The following IP6K3 variants were observed in gnomAD, a reference collection of about 807,000 sequenced individuals.
IP6K3 encodes ATP:1D-myo-inositol-hexakisphosphate phosphotransferase.
A neutral mutation model predicts 28.8 loss-of-function variants in IP6K3; 20 were observed. That is an observed-to-expected ratio of 0.70 (90% CI 0.49 to 1.01). The LOEUF (loss-of-function observed/expected upper bound fraction) is 1.01, where lower values mean the gene tolerates loss of function less well. Among genes scored for constraint, IP6K3 ranks in the 50% least tolerant of loss-of-function variants. The pLI is 0.00. For missense variants in IP6K3, 480 were observed against 537.1 expected (o/e 0.89, Z 1.05); for synonymous variants, 213 against 221.3 (o/e 0.96, Z 0.33).
At chr6:33,728,001 G>T in intron 3 of IP6K3, 86 bp downstream of exon 3, 1 of 1,539,704 alleles carries the variant, frequency 6.5e-7, no homozygotes, top group East Asian at 2.3e-5. Context: ...GCCTTAATAG[G>T]GAGTGGTTGG....
At chr6:33,728,546 T>C (rs1468406081) in intron 2 of IP6K3, among the ~76,000 whole-genome samples, 2 of 152,230 alleles carry the variant, frequency 1.3e-5, no homozygotes, top group Non-Finnish European at 2.9e-5. Flanking sequence ...TCCTCTGCTT[T>C]ATCGCACTTC....
intron 1 of IP6K3, among the ~76,000 whole-genome samples, chr6:33,745,862 G>A (rs902648336): frequency 2.6e-5 from 4 of 152,098 alleles, no homozygotes; most frequent in African/African-American, 7.2e-5. Context: ...GACAAAACTC[G>A]GGCCACTGCT....
intron 1 of IP6K3, among the ~76,000 whole-genome samples, chr6:33,743,854 G>GT (rs545032741): frequency 3.4e-4 from 50 of 147,030 alleles, no homozygotes; most frequent in African/African-American, 3.8e-4. Flanking sequence ...CTTTGAGAGG[G>GT]TTTTTTTTTT....
chr6:33,741,188 G>A (rs978983742), intron 1 of IP6K3, among the ~76,000 whole-genome samples: 2 of 152,216 alleles, frequency 1.3e-5, no homozygotes, highest in East Asian at 1.9e-4. Context: ...GGGTCCCTAA[G>A]TGACTGTACA....
Position 33,722,491 on chromosome 6 carries a change from CT to C in IP6K3, c.*228del. On this transcript the variant is annotated 3_prime_UTR_variant, in exon 6 of 6. Coordinates refer to ENST00000293756, the MANE Select transcript of IP6K3 (RefSeq NM_054111.5). ...GAAGGTGCCACTTTATCCTGGCTGT[CT>C]GTTCTCCGATGAGCAGCATTAGAGC... 2.6e-6 allele frequency: 1 copy of C among 388,642 alleles called. No homozygotes were observed. Among genetic ancestry groups the C allele is most frequent in the Non-Finnish European group, 4.6e-6 (1 of 217,722 alleles). The allele number at this position is 388,642 out of a possible 1,614,324, so 24.1% of individuals were successfully genotyped here. A position where few individuals can be genotyped will look rare whatever the true frequency, so the allele number is the denominator to read the frequency against.
the IP6K3 span, among the ~76,000 whole-genome samples, chr6:33,759,745 T>C: frequency 1.3e-5 from 2 of 151,724 alleles, no homozygotes; most frequent in Admixed American, 6.6e-5. Flanking sequence ...TGGTGGCGGG[T>C]GCCTGTAGTC....
At chr6:33,745,630 C>T (rs1029075433) in intron 1 of IP6K3, among the ~76,000 whole-genome samples, 3 of 152,086 alleles carry the variant, frequency 2.0e-5, no homozygotes, top group East Asian at 1.9e-4. Flanking sequence ...ACCTGCTGAC[C>T]CAATGCCTTT....
chr6:33,752,194 C>T, the IP6K3 span, among the ~76,000 whole-genome samples: 96 of 152,334 alleles, frequency 6.3e-4, no homozygotes, highest in Middle Eastern at 3.4e-3. Flanking sequence ...TACTCCACCC[C>T]GTGTCTCCTT....
intron 1 of IP6K3, among the ~76,000 whole-genome samples, chr6:33,743,644 G>T (rs780636647): frequency 6.6e-6 from 1 of 152,058 alleles, no homozygotes; most frequent in Non-Finnish European, 1.5e-5. Flanking sequence ...AGGATGGTGC[G>T]CCCTCTGTCC....
upstream of IP6K3, among the ~76,000 whole-genome samples, chr6:33,750,862 C>G (rs948306700): frequency 6.6e-6 from 1 of 152,150 alleles, no homozygotes; most frequent in Non-Finnish European, 1.5e-5. The surrounding 1 kb of genome is among the most constrained non-coding windows in gnomAD (Gnocchi z 4.3). Context: ...TCCCTGCTCC[C>G]ATGACCCAGT....
In IP6K3 at chr6:33,721,888, A is replaced by AAAAT. The variant is rs1765912884; in HGVS notation, c.*828_*831dup. 6.6e-6 allele frequency: 1 copy of AAAAT among 152,508 alleles called. No individual in the cohort carries two copies. Among genetic ancestry groups the AAAAT allele is most frequent in the South Asian group, 2.1e-4 (1 of 4,820 alleles). The allele number at this position is 152,508 out of a possible 1,614,324, so 9.4% of individuals were successfully genotyped here. ...TCTTCTGACTCCCCAACCCACCCCC[A>AAAAT]AAATAAATAAATAGAAAGCAGAGAG... On this transcript the variant is annotated 3_prime_UTR_variant, in exon 6 of 6. Coordinates refer to ENST00000293756, the MANE Select transcript of IP6K3 (RefSeq NM_054111.5).
At chr6:33,740,756 A>G (rs1766692195) in intron 1 of IP6K3, among the ~76,000 whole-genome samples, 1 of 152,240 alleles carries the variant, frequency 6.6e-6, no homozygotes, top group Admixed American at 6.5e-5. Context: ...ACCGCTTTCC[A>G]CATGCTAAAT....
chr6:33,762,040 C>T, the IP6K3 span, among the ~76,000 whole-genome samples: 4 of 152,204 alleles, frequency 2.6e-5, no homozygotes, highest in Admixed American at 6.5e-5. Flanking sequence ...GTTGGCCACA[C>T]GAGTGACCCT....
rs376483618 is a variant in IP6K3 at position 33,735,217 on chromosome 6, T to C, written c.199+61A>G. On this transcript the variant is annotated intron_variant, in intron 2 of 5. Coordinates refer to ENST00000293756, the MANE Select transcript of IP6K3 (RefSeq NM_054111.5). The stretch of plus-strand genomic sequence containing the variant: ...ACCACAGGAGGACGTGGTGGGTGCA[T>C]TGGATGAGCCGGCCCCCGTGTGGCA... 1.0e-4 allele frequency: 148 copies of C among 1,430,016 alleles called. 2 individuals are homozygous for C. In the South Asian group the frequency reaches 1.1e-3, roughly 11 times the overall value. The allele number at this position is 1,430,016 out of a possible 1,614,324, so 88.6% of individuals were successfully genotyped here.
chr6:33,730,324 G>A (rs944183480), intron 2 of IP6K3, among the ~76,000 whole-genome samples: 7 of 152,318 alleles, frequency 4.6e-5, no homozygotes, highest in East Asian at 1.9e-4. Flanking sequence ...CTAGCTGAGC[G>A]GTCTCCCTGG....
At chr6:33,751,170 T>A (rs982096025), upstream of IP6K3, among the ~76,000 whole-genome samples, 5 of 152,098 alleles carry the variant, frequency 3.3e-5, no homozygotes, top group Non-Finnish European at 7.4e-5. This position sits in a 1 kb window ranked among gnomAD's most constrained non-coding sequence, Gnocchi z 4.3. Flanking sequence ...GGCTTCCCTA[T>A]CATCACATCC....
rs1395346728 is a variant in IP6K3, at chr6:33,742,881, G to C, written c.-180+3877C>G. Among the ~76,000 whole-genome samples the C allele has an allele frequency of 1.3e-5, 2 of 152,124 alleles. No homozygotes were observed. The highest frequency in any genetic ancestry group is 2.9e-5 in the Non-Finnish European group (2 of 68,030). On this transcript the variant is annotated intron_variant, in intron 1 of 5. Transcript: ENST00000293756. The surrounding 1 kb of genome is among the most constrained non-coding windows in gnomAD (Gnocchi z 4.5). ...GGTCTGGGAAGGAGTCCAGGAGGAG[G>C]GGAGATGTTGGCTCAGCCTTGGGGA...
At chr6:33,732,308 G>A (rs890609104) in intron 2 of IP6K3, among the ~76,000 whole-genome samples, 2 of 152,188 alleles carry the variant, frequency 1.3e-5, no homozygotes, top group Non-Finnish European at 2.9e-5. Flanking sequence ...GCAGGGTGGC[G>A]AGAAGGGAGA....
chr6:33,741,883 G>A lies in IP6K3; in HGVS notation c.-180+4875C>T, dbSNP rs535532725. Among the ~76,000 whole-genome samples, 597 of 151,896 alleles carry A rather than the reference G, an allele frequency of 3.9e-3. 6 individuals are homozygous for A. The highest frequency in any genetic ancestry group is 0.013 in the African/African-American group (521 of 41,416). ...GGAGAATCGCTTGAACCTGGGAGGC[G>A]GAGGTTGCGGTGAGCCAAGATCGTG... On this transcript the variant is annotated intron_variant, in intron 1 of 5. Coordinates refer to ENST00000293756, the MANE Select transcript of IP6K3 (RefSeq NM_054111.5).
Sources: gnomAD v4.1 joint callset for allele counts (sites outside exome capture counted in the v4.1 genomes callset) on GRCh38, gnomAD v4.1.1 for gene constraint, Gnocchi (gnomAD v3.1) non-coding constraint, MANE v1.5 for transcripts, NCBI Gene and HGNC (gene_info 2026-07-23, HGNC 2026-07-21) for gene names.